Variants in ZNF440 observed in about 807,000 individuals in gnomAD.
The protein encoded by ZNF440 is zinc finger protein 440.
ZNF440 carries 47 observed loss-of-function variants against 49.7 expected under a neutral mutation model. The ratio of observed to expected loss-of-function variants is 0.95; its 90% CI spans 0.75 to 1.21. ZNF440 has a LOEUF of 1.21. Among genes scored for constraint, ZNF440 ranks in the 50% most tolerant of loss-of-function variants. The pLI, the probability that ZNF440 is intolerant of heterozygous loss-of-function variation, is 0.00. For synonymous variants in ZNF440, 255 were observed against 237.7 expected (o/e 1.07, Z -0.67); for missense variants, 703 against 715.0 (o/e 0.98, Z 0.19).
chr19:11,820,404 G>A (rs1975784880), intron 1 of ZNF440, among the ~76,000 whole-genome samples: 1 of 152,066 alleles, frequency 6.6e-6, no homozygotes, highest in African/African-American at 2.4e-5. Flanking sequence ...ATTTTTTGTA[G>A]AGACGGGGTT....
chr19:11,819,473 A>C (rs1285984148), intron 1 of ZNF440, among the ~76,000 whole-genome samples: 1 of 152,156 alleles, frequency 6.6e-6, no homozygotes, highest in Non-Finnish European at 1.5e-5. Context: ...ATCTGGGCCC[A>C]CCGCAGCCTC....
At chr19:11,820,993 T>A (rs1313427448) in intron 1 of ZNF440, among the ~76,000 whole-genome samples, 2 of 152,074 alleles carry the variant, frequency 1.3e-5, no homozygotes, top group African/African-American at 4.8e-5. Flanking sequence ...ACTTCTCCTT[T>A]CCTCTATGTG....
At chr19:11,821,549 C>G (rs1471866814) in intron 1 of ZNF440, among the ~76,000 whole-genome samples, 2 of 151,890 alleles carry the variant, frequency 1.3e-5, no homozygotes, top group Non-Finnish European at 1.5e-5. Context: ...CAGGGTGGAC[C>G]AGTAGCCTGC....
At position 11,832,065 on chromosome 19, in the gene ZNF440, C is replaced by G; in HGVS notation, c.889C>G (p.Arg297Gly). 1 of 1,613,974 alleles carries G rather than the reference C, an allele frequency of 6.2e-7. No individual in the cohort carries two copies. Among genetic ancestry groups the G allele is most frequent in the Non-Finnish European group, 8.5e-7 (1 of 1,179,982 alleles). ...KECGKAFTCPRYVRIHERTHS... is the reference protein window; with the variant it reads ...KECGKAFTCPGYVRIHERTHS... ...ATGTGGAAAAGCATTCACGTGTCCC[C>G]GTTATGTTCGTATACATGAAAGGAC... The change falls in exon 4 of 4, where the codon CGT becomes GGT. Residue 297 changes from arginine to glycine, a missense_variant. Arg to Gly is a moderately radical substitution (Grantham distance 125, BLOSUM62 -2). Transcript: ENST00000304060.
At chr19:11,825,098 G>A (rs959073918) in intron 1 of ZNF440, among the ~76,000 whole-genome samples, 3 of 151,930 alleles carry the variant, frequency 2.0e-5, no homozygotes, top group Admixed American at 6.6e-5. Context: ...CAGCAGGACA[G>A]CTTGGACTCG....
chr19:11,825,259 T>C (rs890739224), intron 1 of ZNF440, among the ~76,000 whole-genome samples: 1 of 152,232 alleles, frequency 6.6e-6, no homozygotes, highest in African/African-American at 2.4e-5. Context: ...GATGCAAGAA[T>C]ATATTACATG....
At chr19:11,815,747 A>G (rs1235759027) in intron 1 of ZNF440, 1 of 152,264 alleles carries the variant, frequency 6.6e-6, no homozygotes, top group Admixed American at 6.5e-5. Context: ...TACTAAAAAT[A>G]CAAAAATTAG....
At chr19:11,824,182 CAAAAAAAA>C (rs200865473) in intron 1 of ZNF440, among the ~76,000 whole-genome samples, 2 of 60,020 alleles carry the variant, frequency 3.3e-5, no homozygotes, top group African/African-American at 6.1e-5. Context: ...TACCCTGTTT[CAAAAAAAA>C]AAAAAAAAAA....
rs1168960930 is a variant in ZNF440 at position 11,833,661 on chromosome 19, T to G, written c.*697T>G. Reference sequence around the variant, plus strand: ...TCACATGGGAGAGAAACCCTATGAGTGTATGCCAAGTGGGAAAGCCTTCAT... The same window carrying G: ...TCACATGGGAGAGAAACCCTATGAGGGTATGCCAAGTGGGAAAGCCTTCAT... On this transcript the variant is annotated 3_prime_UTR_variant, in exon 4 of 4. Transcript: ENST00000304060. The G allele has an allele frequency of 4.6e-6, 2 of 436,992 alleles. No individual in the cohort carries two copies. Among genetic ancestry groups the G allele is most frequent in the Non-Finnish European group, 8.5e-6 (2 of 236,410 alleles). 27.1% of individuals were successfully genotyped at this position (436,992 alleles called of 1,614,324 possible).
chr19:11,819,983 T>C (rs1432746163), intron 1 of ZNF440, among the ~76,000 whole-genome samples: 1 of 152,188 alleles, frequency 6.6e-6, no homozygotes, highest in African/African-American at 2.4e-5. Flanking sequence ...CCTCAAATCC[T>C]CCACCCTCAT....
chr19:11,823,234 C>T (rs949137337), intron 1 of ZNF440, among the ~76,000 whole-genome samples: 11 of 152,004 alleles, frequency 7.2e-5, no homozygotes, highest in African/African-American at 2.2e-4. Flanking sequence ...CAGAAAGGAT[C>T]GACTCTTATG....
At chr19:11,818,626 T>C (rs185997482) in intron 1 of ZNF440, among the ~76,000 whole-genome samples, 3 of 152,274 alleles carry the variant, frequency 2.0e-5, no homozygotes, top group Admixed American at 2.0e-4. Flanking sequence ...CATGGCTTAC[T>C]GCAACCTTGA....
intron 1 of ZNF440, among the ~76,000 whole-genome samples, chr19:11,824,182 C>CAA (rs200865473): frequency 1.5e-4 from 9 of 59,996 alleles, no homozygotes; most frequent in Non-Finnish European, 2.4e-4. Context: ...TACCCTGTTT[C>CAA]AAAAAAAAAA....
chr19:11,832,497 A>G lies in ZNF440; in HGVS notation c.1321A>G (p.Ser441Gly). ...CTTCAGATATGTGAATAACCTTCAA[A>G]GTCATGAAAGGACACAAACACACAT... Reference protein sequence around the residue: ...KAFRYVNNLQSHERTQTHIRI... With the variant: ...KAFRYVNNLQGHERTQTHIRI... Residue 441 changes from serine to glycine, a missense_variant, in exon 4 of 4, where the codon AGT (serine) becomes GGT (glycine). Physicochemically the swap from Ser to Gly is moderately conservative, Grantham distance 56. Coordinates refer to ENST00000304060, the MANE Select transcript of ZNF440 (RefSeq NM_152357.3). 1.2e-6 allele frequency: 2 copies of G among 1,613,944 alleles called. No individual in the cohort carries two copies. The highest frequency in any genetic ancestry group is 1.1e-5 in the South Asian group (1 of 91,074).
chr19:11,823,513 C>T lies in ZNF440; in HGVS notation c.4-6770C>T, dbSNP rs547869137. Among the ~76,000 whole-genome samples, 115 of 152,132 alleles carry T rather than the reference C, an allele frequency of 7.6e-4. 1 individual carries two copies. The South Asian group carries it at 0.022, about 30-fold the overall frequency. On this transcript the variant is annotated intron_variant, in intron 1 of 3. Transcript: ENST00000304060. ...TATAACTGTAGTCATATTTCAGAAA[C>T]GTTACATCATAGTGCTATTTAATCT...
At chr19:11,827,475 G>T (rs1283853901) in intron 1 of ZNF440, 1 of 152,146 alleles carries the variant, frequency 6.6e-6, no homozygotes, top group Non-Finnish European at 1.5e-5. Flanking sequence ...TTTTGTCCCA[G>T]TCTGCCGCCT....
At chr19:11,821,567 A>T (rs1024689323) in intron 1 of ZNF440, among the ~76,000 whole-genome samples, 1 of 152,024 alleles carries the variant, frequency 6.6e-6, no homozygotes, top group African/African-American at 2.4e-5. Context: ...TGCAAATCAG[A>T]ATATGAAAGG....
rs1941891806 is a variant in ZNF440 at position 11,833,570 on chromosome 19, C to G, written c.*606C>G. 10 of 299,068 alleles carry G rather than the reference C, an allele frequency of 3.3e-5. No homozygotes were observed. In the South Asian group the frequency reaches 3.8e-4, roughly 11 times the overall value. The allele number at this position is 299,068 out of a possible 1,614,324, so 18.5% of individuals were successfully genotyped here. Reference sequence around the variant, plus strand: ...TGAAAGAACACACTAGGGAGAAACCCTATCAATGTAAGCAATGTGCAAAAG... The same window carrying G: ...TGAAAGAACACACTAGGGAGAAACCGTATCAATGTAAGCAATGTGCAAAAG... On this transcript the variant is annotated 3_prime_UTR_variant, in exon 4 of 4. Coordinates refer to ENST00000304060, the MANE Select transcript of ZNF440 (RefSeq NM_152357.3).
intron 1 of ZNF440, chr19:11,817,643 C>T (rs893512641): frequency 6.6e-6 from 1 of 150,808 alleles, no homozygotes; most frequent in East Asian, 1.9e-4. Context: ...TCAAGACCAA[C>T]GTGGCCAACA....
Sources: gnomAD v4.1 joint callset for allele counts (sites outside exome capture counted in the v4.1 genomes callset) on GRCh38, gnomAD v4.1.1 for gene constraint, MANE v1.5 for transcripts, NCBI Gene and HGNC (gene_info 2026-07-23, HGNC 2026-07-21) for gene names.